Variants in DLG2 observed in about 807,000 individuals in gnomAD.
DLG2 encodes the protein disks large homolog 2.
A neutral mutation model predicts 132.5 loss-of-function variants in DLG2; 45 were observed. The ratio of observed to expected loss-of-function variants is 0.34; its 90% CI spans 0.27 to 0.44. The LOEUF (loss-of-function observed/expected upper bound fraction) is 0.44, where lower values mean the gene tolerates loss of function less well. Among genes scored for constraint, DLG2 ranks in the 20% least tolerant of loss-of-function variants. DLG2 has a pLI of 1.00. For synonymous variants in DLG2, 424 were observed against 419.6 expected, an observed-to-expected ratio of 1.01 and a Z score of -0.13; for missense variants, 1,045 against 1,196.9, an observed-to-expected ratio of 0.87 and a Z score of 1.87.
At chr11:85,485,125 T>C (rs1364872840) in intron 3 of DLG2, among the ~76,000 whole-genome samples, 1 of 151,782 alleles carries the variant, frequency 6.6e-6, no homozygotes, top group African/African-American at 2.4e-5. Flanking sequence ...CACTGCATGT[T>C]CTCACTCATA....
At chr11:83,751,382 C>A (rs2093297972) in intron 18 of DLG2, among the ~76,000 whole-genome samples, 1 of 152,034 alleles carries the variant, frequency 6.6e-6, no homozygotes, top group Non-Finnish European at 1.5e-5. Flanking sequence ...ATATTAAGGA[C>A]TTTGGCTTTT....
At chr11:85,354,011 T>TA (rs546143696) in intron 3 of DLG2, among the ~76,000 whole-genome samples, 328 of 140,112 alleles carry the variant, frequency 2.3e-3, no homozygotes, top group Middle Eastern at 3.8e-3. Flanking sequence ...AATTCCTTAA[T>TA]AAAAAAAAAA....
chr11:84,251,933 C>T (rs750906349), intron 7 of DLG2, among the ~76,000 whole-genome samples: 6 of 151,802 alleles, frequency 4.0e-5, no homozygotes, highest in South Asian at 2.1e-4. Context: ...CTACCGCACT[C>T]GACCTGTATC....
At chr11:83,705,099 A>G (rs2083678215) in intron 18 of DLG2, among the ~76,000 whole-genome samples, 1 of 152,214 alleles carries the variant, frequency 6.6e-6, no homozygotes, top group East Asian at 1.9e-4. Context: ...AGACATGAAC[A>G]GGAATGTGAT....
At chr11:84,822,356 G>A (rs1019231904) in intron 6 of DLG2, among the ~76,000 whole-genome samples, 1 of 151,726 alleles carries the variant, frequency 6.6e-6, no homozygotes, top group Non-Finnish European at 1.5e-5. Flanking sequence ...ATTGGAAGGA[G>A]GGGTAAGCTT....
chr11:84,255,923 T>A (rs559184049), intron 7 of DLG2, among the ~76,000 whole-genome samples: 13 of 152,192 alleles, frequency 8.5e-5, no homozygotes, highest in African/African-American at 2.9e-4. Flanking sequence ...TTCTCTTTCA[T>A]GCACAGAAAG....
At chr11:84,681,237 A>G (rs1271725347) in intron 6 of DLG2, among the ~76,000 whole-genome samples, 1 of 152,188 alleles carries the variant, frequency 6.6e-6, no homozygotes, top group African/African-American at 2.4e-5. Flanking sequence ...TCTCTTCACA[A>G]TCCTTCCTTC....
chr11:83,472,604 G>A, intron 23 of DLG2, 123 bp downstream of exon 23: 2 of 782,872 alleles, frequency 2.6e-6, no homozygotes, highest in Non-Finnish European at 4.2e-6. Flanking sequence ...GTAAGGTACG[G>A]TCTCAAGACA....
intron 7 of DLG2, among the ~76,000 whole-genome samples, chr11:84,276,814 G>A (rs2097787410): frequency 6.6e-6 from 1 of 152,126 alleles, no homozygotes; most frequent in Non-Finnish European, 1.5e-5. Context: ...TTAACTTCAT[G>A]ACAATTGCAC....
chr11:84,049,499 GC>G (rs2096311818), intron 11 of DLG2, among the ~76,000 whole-genome samples: 1 of 151,656 alleles, frequency 6.6e-6, no homozygotes, highest in South Asian at 2.1e-4. Context: ...TTTTCCCCTT[GC>G]CACATTGCTT....
chr11:85,117,559 C>A (rs908850724), intron 5 of DLG2, among the ~76,000 whole-genome samples: 5 of 147,604 alleles, frequency 3.4e-5, no homozygotes, highest in African/African-American at 7.6e-5. Context: ...TTATTTCCCT[C>A]TTATGCTCCA....
At chr11:85,175,623 C>A (rs72945928) in intron 4 of DLG2, among the ~76,000 whole-genome samples, 7,922 of 152,044 alleles carry the variant, frequency 0.052, 301 homozygotes, top group East Asian at 0.096. Flanking sequence ...GGCAAACAGG[C>A]AACAGAAGGA....
chr11:85,224,758 A>C (rs907189333), intron 4 of DLG2, among the ~76,000 whole-genome samples: 7 of 152,314 alleles, frequency 4.6e-5, no homozygotes, highest in African/African-American at 1.7e-4. Flanking sequence ...TAAAGAGTTT[A>C]AAAGAGCAAG....
chr11:83,742,037 T>C (rs963925735), intron 18 of DLG2, among the ~76,000 whole-genome samples: 4 of 152,164 alleles, frequency 2.6e-5, no homozygotes, highest in South Asian at 2.1e-4. Flanking sequence ...TGGTGATTTC[T>C]TGGGCACAAG....
At chr11:85,180,559 G>T (rs1319944363) in intron 4 of DLG2, among the ~76,000 whole-genome samples, 1 of 151,774 alleles carries the variant, frequency 6.6e-6, no homozygotes, top group Non-Finnish European at 1.5e-5. Context: ...CTAACAAGCT[G>T]CCCTTTTGTG....
intron 6 of DLG2, among the ~76,000 whole-genome samples, chr11:84,794,066 T>A (rs1052268890): frequency 6.6e-6 from 1 of 152,352 alleles, no homozygotes; most frequent in South Asian, 2.1e-4. Flanking sequence ...GTATCTGTTG[T>A]ATGTTTTTTG....
chr11:85,159,034 A>T (rs1003154074), intron 4 of DLG2, among the ~76,000 whole-genome samples: 4 of 152,132 alleles, frequency 2.6e-5, no homozygotes, highest in African/African-American at 9.7e-5. Context: ...CCAACAATTT[A>T]TACTGTTAAT....
At chr11:84,774,431 T>G (rs1436461322) in intron 6 of DLG2, among the ~76,000 whole-genome samples, 2 of 151,928 alleles carry the variant, frequency 1.3e-5, no homozygotes, top group Non-Finnish European at 2.9e-5. Flanking sequence ...TTCCCAGAAT[T>G]AAAAAAAGAC....
intron 8 of DLG2, among the ~76,000 whole-genome samples, chr11:84,216,694 C>T (rs1436885825): frequency 6.6e-6 from 1 of 152,066 alleles, no homozygotes; most frequent in Non-Finnish European, 1.5e-5. Context: ...ATGAAGGAGA[C>T]ATCAAACTTA....
Sources: gnomAD v4.1 joint callset for allele counts (sites outside exome capture counted in the v4.1 genomes callset) on GRCh38, gnomAD v4.1.1 for gene constraint, MANE v1.5 for transcripts, NCBI Gene and HGNC (gene_info 2026-07-23, HGNC 2026-07-21) for gene names.